Variants in SIL1 observed in about 807,000 individuals in gnomAD.
The protein encoded by SIL1 is SIL1 nucleotide exchange factor.
In SIL1, 40 loss-of-function variants were observed where a neutral mutation model predicts 49.1. The observed-to-expected ratio is 0.81, with a 90% CI of 0.63 to 1.06. The LOEUF is 1.06. Among genes scored for constraint, SIL1 ranks in the 50% least tolerant of loss-of-function variants. The probability of loss-of-function intolerance (pLI) is 0.00; values close to 1 mark genes in which losing one functional copy is unlikely to be tolerated. For synonymous variants in SIL1, 253 were observed against 250.8 expected (o/e 1.01, Z -0.08); for missense variants, 500 against 572.6 (o/e 0.87, Z 1.29).
At chr5:139,042,788 A>G in intron 4 of SIL1, 69 bp from the exon 5 acceptor site, 1 of 1,419,262 alleles carries the variant, frequency 7.0e-7, no homozygotes, top group Non-Finnish European at 1.0e-6. Flanking sequence ...TTGTAATCCC[A>G]GTACTCTGGG....
intron 7 of SIL1, among the ~76,000 whole-genome samples, chr5:138,973,202 A>AT (rs1767319752): frequency 1.9e-5 from 1 of 52,172 alleles, no homozygotes; most frequent in Admixed American, 1.9e-4. Flanking sequence ...TGAAGTATTT[A>AT]AAAAAAAAAA....
At chr5:139,128,090 A>G (rs977254762) in intron 1 of SIL1, 9 of 534,510 alleles carry the variant, frequency 1.7e-5, no homozygotes, top group African/African-American at 1.5e-4. Flanking sequence ...ACTCCTGCAT[A>G]AGCTATTACA....
intron 3 of SIL1, among the ~76,000 whole-genome samples, chr5:139,112,490 G>A (rs1281829393): frequency 2.0e-5 from 3 of 151,170 alleles, no homozygotes; most frequent in Non-Finnish European, 2.9e-5. Context: ...GCCTCTGCCC[G>A]GCCGCGACCC....
At chr5:139,063,819 T>C (rs1769645046) in intron 3 of SIL1, among the ~76,000 whole-genome samples, 1 of 152,200 alleles carries the variant, frequency 6.6e-6, no homozygotes, top group African/African-American at 2.4e-5. Context: ...CAACCATTTC[T>C]GACTCTTGTT....
At chr5:139,023,428 TGA>T (rs1203021364) in intron 6 of SIL1, among the ~76,000 whole-genome samples, 1 of 151,346 alleles carries the variant, frequency 6.6e-6, no homozygotes, top group Non-Finnish European at 1.5e-5. Context: ...GATAAGACAA[TGA>T]GAGAATGGGA....
intron 7 of SIL1, among the ~76,000 whole-genome samples, chr5:138,974,068 G>A (rs930067519): frequency 2.0e-5 from 3 of 152,158 alleles, no homozygotes; most frequent in East Asian, 1.9e-4. Flanking sequence ...ATATCAAATT[G>A]AGCAGCAAAC....
At chr5:138,995,678 A>G (rs1399280116) in intron 7 of SIL1, among the ~76,000 whole-genome samples, 3 of 152,190 alleles carry the variant, frequency 2.0e-5, no homozygotes, top group Non-Finnish European at 4.4e-5. Flanking sequence ...CAAACTGTAT[A>G]TTTGTAACTA....
intron 7 of SIL1, among the ~76,000 whole-genome samples, chr5:138,979,048 TATTTA>T (rs771913883): frequency 6.6e-6 from 1 of 151,592 alleles, no homozygotes; most frequent in African/African-American, 2.4e-5. Context: ...AGCACAAGAG[TATTTA>T]ATTTAATTTA....
intron 7 of SIL1, among the ~76,000 whole-genome samples, chr5:138,985,815 A>G (rs1196526579): frequency 2.0e-5 from 3 of 152,104 alleles, no homozygotes; most frequent in Non-Finnish European, 4.4e-5. Context: ...ATGGCTAGAG[A>G]TAAGTGGTGG....
chr5:139,177,409 T>G (rs1220394150), intron 1 of SIL1, among the ~76,000 whole-genome samples: 5 of 151,508 alleles, frequency 3.3e-5, no homozygotes, highest in Non-Finnish European at 2.9e-5. Flanking sequence ...CTGGCTAATT[T>G]TTGTATTTTT....
intron 7 of SIL1, among the ~76,000 whole-genome samples, chr5:138,994,174 G>C (rs565849924): frequency 2.0e-5 from 3 of 152,146 alleles, no homozygotes; most frequent in Admixed American, 2.0e-4. Flanking sequence ...CAATAAGAAA[G>C]AGAAATGGAG....
intron 3 of SIL1, among the ~76,000 whole-genome samples, chr5:139,093,006 A>C (rs898064206): frequency 1.3e-5 from 2 of 152,194 alleles, no homozygotes; most frequent in Non-Finnish European, 2.9e-5. Context: ...AAGCAAGTCC[A>C]GCTGGGTGCA....
chr5:139,153,697 T>C (rs1474937273), intron 1 of SIL1, among the ~76,000 whole-genome samples: 1 of 152,174 alleles, frequency 6.6e-6, no homozygotes, highest in Non-Finnish European at 1.5e-5. Flanking sequence ...GACACAGTGT[T>C]AAGTAACTGA....
intron 6 of SIL1, among the ~76,000 whole-genome samples, chr5:139,023,447 G>A (rs935835978): frequency 1.3e-5 from 2 of 152,206 alleles, no homozygotes; most frequent in Admixed American, 6.5e-5. Flanking sequence ...GGGAAACAGC[G>A]AAGGGGAAAA....
chr5:139,122,850 G>A (rs1750674284), intron 2 of SIL1, among the ~76,000 whole-genome samples: 1 of 152,108 alleles, frequency 6.6e-6, no homozygotes, highest in Non-Finnish European at 1.5e-5. Flanking sequence ...ACCACACCTG[G>A]GAGATGTAAT....
At position 139,143,330 on chromosome 5, in the gene SIL1, C is replaced by CATATAT. The variant is rs1213045532; in HGVS notation, c.-10-15478_-10-15477insATATAT. On this transcript the variant is annotated intron_variant, in intron 1 of 9. Coordinates refer to ENST00000394817, the MANE Select transcript of SIL1 (RefSeq NM_022464.5). ...ATACACACACACACACACACACACACACACACACACACACATATATATATA... is the reference window on the plus strand; with the variant it reads ...ATACACACACACACACACACACACACATATATACACACACACACACATATATATATA... Among the ~76,000 whole-genome samples the CATATAT allele has an allele frequency of 7.7e-4, 74 of 95,914 alleles. 2 individuals carry two copies. The highest frequency in any genetic ancestry group is 2.3e-3 in the African/African-American group (61 of 26,492). 62.9% of individuals were successfully genotyped at this position (95,914 alleles called of 152,430 possible).
At chr5:139,061,824 G>A (rs528687275) in intron 3 of SIL1, among the ~76,000 whole-genome samples, 64 of 152,290 alleles carry the variant, frequency 4.2e-4, no homozygotes, top group Admixed American at 9.8e-4. Flanking sequence ...TGAAGGGCAG[G>A]AACCAATTAT....
chr5:139,002,920 T>C (rs558209090), intron 7 of SIL1, among the ~76,000 whole-genome samples: 36 of 152,330 alleles, frequency 2.4e-4, no homozygotes, highest in South Asian at 2.1e-3. Flanking sequence ...AACTTCTGCA[T>C]GCTCTGTTGC....
chr5:139,182,380 C>T (rs1458258016), intron 1 of SIL1, among the ~76,000 whole-genome samples: 1 of 152,188 alleles, frequency 6.6e-6, no homozygotes, highest in African/African-American at 2.4e-5. Flanking sequence ...ACATCTGTCT[C>T]ATTCATCACT....
Sources: gnomAD v4.1 joint callset for allele counts (sites outside exome capture counted in the v4.1 genomes callset) on GRCh38, gnomAD v4.1.1 for gene constraint, MANE v1.5 for transcripts, NCBI Gene and HGNC (gene_info 2026-07-23, HGNC 2026-07-21) for gene names.